PLCL2: variants seen among roughly 807,000 people sequenced by gnomAD.
PLCL2 encodes the protein phospholipase C like 2, also known as inactive phospholipase C-like protein 2.
In PLCL2, 4 loss-of-function variants were observed where a neutral mutation model predicts 79.6. The observed-to-expected ratio is 0.05, with a 90% CI of 0.02 to 0.11. The LOEUF (loss-of-function observed/expected upper bound fraction) is 0.11, where lower values mean the gene tolerates loss of function less well. Ranked by LOEUF, PLCL2 falls within the 10% of genes least tolerant of loss-of-function variation. The pLI, the probability that PLCL2 is intolerant of heterozygous loss-of-function variation, is 1.00. For missense variants in PLCL2, 895 were observed against 1,291.0 expected, an observed-to-expected ratio of 0.69 and a Z score of 4.70; for synonymous variants, 484 against 457.7, an observed-to-expected ratio of 1.06 and a Z score of -0.73.
chr3:16,909,824 C>T (rs1202332786), intron 1 of PLCL2, among the ~76,000 whole-genome samples: 2 of 152,156 alleles, frequency 1.3e-5, no homozygotes, highest in Non-Finnish European at 2.9e-5. Context: ...ATTTAAAGAT[C>T]GGGATGGTTT....
At chr3:17,049,311 A>G (rs1218025069) in intron 4 of PLCL2, among the ~76,000 whole-genome samples, 2 of 152,194 alleles carry the variant, frequency 1.3e-5, no homozygotes, top group South Asian at 2.1e-4. Context: ...TGTCAAGGTA[A>G]TAGGCGAAGC....
intron 4 of PLCL2, among the ~76,000 whole-genome samples, chr3:17,059,622 A>G (rs983875245): frequency 1.3e-5 from 2 of 152,010 alleles, no homozygotes; most frequent in Non-Finnish European, 2.9e-5. Context: ...AAGAGAAACC[A>G]TGTGTGTTAT....
At chr3:17,028,070 T>C (rs1179516827) in intron 3 of PLCL2, among the ~76,000 whole-genome samples, 2 of 152,164 alleles carry the variant, frequency 1.3e-5, no homozygotes, top group African/African-American at 4.8e-5. Flanking sequence ...AATGAGCCAG[T>C]CCAAGAATTG....
At chr3:17,059,552 A>T (rs1391817943) in intron 4 of PLCL2, among the ~76,000 whole-genome samples, 2 of 152,086 alleles carry the variant, frequency 1.3e-5, no homozygotes, top group East Asian at 3.9e-4. Context: ...ATATATATAC[A>T]TATATAAGAA....
At chr3:16,917,458 T>C (rs934682547) in intron 1 of PLCL2, among the ~76,000 whole-genome samples, 1 of 152,176 alleles carries the variant, frequency 6.6e-6, no homozygotes, top group African/African-American at 2.4e-5. Context: ...AAATGTCTTG[T>C]CTCTGCTCTC....
chr3:17,064,878 G>A (rs892129812), intron 4 of PLCL2, among the ~76,000 whole-genome samples: 11 of 142,208 alleles, frequency 7.7e-5, no homozygotes, highest in Admixed American at 2.2e-4. Context: ...GCAGTGAGCC[G>A]AGATCACACC....
chr3:17,023,547 C>T (rs2064479115), intron 3 of PLCL2, among the ~76,000 whole-genome samples: 1 of 152,154 alleles, frequency 6.6e-6, no homozygotes. Context: ...TTCTCTCTTG[C>T]CACCACCATG....
chr3:16,954,290 C>T (rs2063682468), intron 1 of PLCL2, among the ~76,000 whole-genome samples: 1 of 152,022 alleles, frequency 6.6e-6, no homozygotes, highest in African/African-American at 2.4e-5. Context: ...GGTTTTTTGT[C>T]CTTGCGATAG....
intron 4 of PLCL2, among the ~76,000 whole-genome samples, chr3:17,048,544 C>A (rs2064805932): frequency 6.6e-6 from 1 of 152,050 alleles, no homozygotes; most frequent in Non-Finnish European, 1.5e-5. Flanking sequence ...CACTTAAAGC[C>A]CATACATGAC....
At chr3:16,982,824 T>C (rs2064013946) in intron 1 of PLCL2, among the ~76,000 whole-genome samples, 1 of 152,234 alleles carries the variant, frequency 6.6e-6, no homozygotes, top group Non-Finnish European at 1.5e-5. Flanking sequence ...TATTCTTAGT[T>C]GTTTCTAAAA....
Position 17,013,653 on chromosome 3 carries a change from A to G in PLCL2, c.2815-1055A>G, listed in dbSNP as rs116415506. Among the ~76,000 whole-genome samples, 979 of 152,370 alleles carry G rather than the reference A, an allele frequency of 6.4e-3. 12 individuals carry two copies. The highest frequency in any genetic ancestry group is 0.023 in the African/African-American group (938 of 41,582). ...GTTTAAATTTAAAACTAAAGTGTTC[A>G]TTCCCAAGAACCTGCATTATTTGAG... On this transcript the variant is annotated intron_variant, in intron 2 of 5. Transcript: ENST00000615277.
chr3:16,907,716 C>A (rs542980199), intron 1 of PLCL2, among the ~76,000 whole-genome samples: 2 of 152,082 alleles, frequency 1.3e-5, no homozygotes, highest in African/African-American at 4.8e-5. Flanking sequence ...TGAAGTCATG[C>A]AAGTAAAGCA....
intron 3 of PLCL2, among the ~76,000 whole-genome samples, chr3:17,029,363 GA>G (rs199584858): frequency 0.032 from 4,486 of 138,828 alleles, 238 homozygotes; most frequent in African/African-American, 0.11. Context: ...AAGAAAGAAA[GA>G]AAAAAAAAAA....
chr3:16,983,658 C>A (rs1009282048), intron 1 of PLCL2, among the ~76,000 whole-genome samples: 1 of 152,112 alleles, frequency 6.6e-6, no homozygotes, highest in Non-Finnish European at 1.5e-5. Context: ...AAAAAGAACT[C>A]TGCTCTAACT....
chr3:17,029,447 T>C (rs1450826370), intron 3 of PLCL2, among the ~76,000 whole-genome samples: 1 of 151,972 alleles, frequency 6.6e-6, no homozygotes, highest in Non-Finnish European at 1.5e-5. Context: ...TTCACCTGGC[T>C]ATGATAGGAG....
At chr3:16,943,875 C>T (rs939940421) in intron 1 of PLCL2, among the ~76,000 whole-genome samples, 4 of 152,170 alleles carry the variant, frequency 2.6e-5, no homozygotes, top group Non-Finnish European at 4.4e-5. Context: ...GTGCAAATAA[C>T]TTAATCACCC....
At chr3:17,048,920 A>G (rs1315058193) in intron 4 of PLCL2, among the ~76,000 whole-genome samples, 1 of 152,222 alleles carries the variant, frequency 6.6e-6, no homozygotes, top group Non-Finnish European at 1.5e-5. Context: ...GAGTCATGAC[A>G]TTACAAGAAA....
intron 1 of PLCL2, among the ~76,000 whole-genome samples, chr3:16,915,580 A>G (rs1412313581): frequency 6.6e-6 from 1 of 151,822 alleles, no homozygotes; most frequent in Non-Finnish European, 1.5e-5. Context: ...CTGCTCTCAT[A>G]TTTTTCCTTT....
intron 1 of PLCL2, among the ~76,000 whole-genome samples, chr3:16,975,707 G>A (rs746422310): frequency 2.6e-5 from 4 of 152,154 alleles, no homozygotes; most frequent in Non-Finnish European, 5.9e-5. Context: ...TAGCTGAAAG[G>A]CTGGAAGACT....
Sources: allele counts gnomAD v4.1 joint callset (sites outside exome capture counted in the v4.1 genomes callset), GRCh38; gene constraint gnomAD v4.1.1; transcripts MANE v1.5; gene names NCBI Gene and HGNC (gene_info 2026-07-23, HGNC 2026-07-21).